Variants in GRIN2B observed in about 807,000 individuals in gnomAD.
The protein encoded by GRIN2B is glutamate ionotropic receptor NMDA type subunit 2B.
A neutral mutation model predicts 114.5 loss-of-function variants in GRIN2B; 5 were observed. The ratio of observed to expected loss-of-function variants is 0.04; its 90% CI spans 0.02 to 0.09. The LOEUF (loss-of-function observed/expected upper bound fraction) is 0.09. GRIN2B is among the 10% of genes least tolerant of loss of function. The pLI is 1.00. For synonymous variants in GRIN2B, 787 were observed against 745.1 expected (o/e 1.06, Z -0.92); for missense variants, 1,108 against 1,943.5 (o/e 0.57, Z 8.08).
At chr12:13,927,966 C>CAAAAAAAAAAAA (rs57736516) in intron 2 of GRIN2B, among the ~76,000 whole-genome samples, 37 of 37,594 alleles carry the variant, frequency 9.8e-4, no homozygotes, top group African/African-American at 3.0e-3. Context: ...GACCCTGTCT[C>CAAAAAAAAAAAA]AAAAAAAAAA....
At chr12:13,978,712 G>A (rs942405898) in intron 2 of GRIN2B, among the ~76,000 whole-genome samples, 2 of 152,244 alleles carry the variant, frequency 1.3e-5, no homozygotes, top group East Asian at 1.9e-4. Flanking sequence ...GCATTTAGAC[G>A]CCTTCAGAGT....
intron 4 of GRIN2B, among the ~76,000 whole-genome samples, chr12:13,741,690 G>A (rs934646517): frequency 1.3e-5 from 2 of 152,098 alleles, no homozygotes; most frequent in African/African-American, 4.8e-5. Context: ...AGGTTGCTGG[G>A]ACTACAGGTG....
chr12:13,683,065 C>T (rs1219335463), intron 4 of GRIN2B, among the ~76,000 whole-genome samples: 2 of 152,106 alleles, frequency 1.3e-5, no homozygotes, highest in Non-Finnish European at 2.9e-5. Context: ...ATCTATGCCA[C>T]CTTTCACCAA....
intron 4 of GRIN2B, among the ~76,000 whole-genome samples, chr12:13,691,351 A>T (rs577818189): frequency 2.7e-5 from 4 of 145,730 alleles, no homozygotes; most frequent in Middle Eastern, 3.4e-3. Context: ...TTGTTTGTAG[A>T]TAACACCAGG....
chr12:13,907,567 C>A (rs1359892302), intron 2 of GRIN2B, among the ~76,000 whole-genome samples: 1 of 150,886 alleles, frequency 6.6e-6, no homozygotes, highest in African/African-American at 2.4e-5. Flanking sequence ...CGTTCAAGAA[C>A]AGGCAAAATT....
intron 3 of GRIN2B, among the ~76,000 whole-genome samples, chr12:13,820,747 A>G (rs1346524959): frequency 6.6e-6 from 1 of 152,124 alleles, no homozygotes; most frequent in South Asian, 2.1e-4. Flanking sequence ...TCTTTTAACT[A>G]TCTGAAAGGA....
intron 3 of GRIN2B, among the ~76,000 whole-genome samples, chr12:13,834,626 C>G (rs1250792266): frequency 6.6e-6 from 1 of 152,172 alleles, no homozygotes; most frequent in Non-Finnish European, 1.5e-5. Flanking sequence ...TTGGTGCTCT[C>G]CCTTCGGCCC....
At chr12:13,573,747 G>A (rs1948737136) in intron 10 of GRIN2B, among the ~76,000 whole-genome samples, 1 of 152,090 alleles carries the variant, frequency 6.6e-6, no homozygotes, top group African/African-American at 2.4e-5. Flanking sequence ...GGATTGCCTG[G>A]GATTAGAAGT....
At chr12:13,823,974 C>T (rs1864984955) in intron 3 of GRIN2B, among the ~76,000 whole-genome samples, 1 of 152,128 alleles carries the variant, frequency 6.6e-6, no homozygotes, top group Non-Finnish European at 1.5e-5. Flanking sequence ...CACAGTGTTA[C>T]TGGGATAAAC....
chr12:13,909,274 C>T (rs1866593234), intron 2 of GRIN2B, among the ~76,000 whole-genome samples: 2 of 152,290 alleles, frequency 1.3e-5, no homozygotes, highest in South Asian at 4.1e-4. Context: ...GTGAGAATAA[C>T]CGCAGCAAAG....
chr12:13,628,177 C>A (rs190664999), intron 5 of GRIN2B, among the ~76,000 whole-genome samples: 1 of 152,258 alleles, frequency 6.6e-6, no homozygotes, highest in East Asian at 1.9e-4. Flanking sequence ...GTCCTATTCT[C>A]CTTGGCAGTT....
intron 3 of GRIN2B, among the ~76,000 whole-genome samples, chr12:13,806,912 T>G (rs966499091): frequency 6.6e-6 from 1 of 151,998 alleles, no homozygotes; most frequent in African/African-American, 2.4e-5. Context: ...AGATAAGGGT[T>G]AAAAAATCCA....
intron 5 of GRIN2B, among the ~76,000 whole-genome samples, chr12:13,666,045 G>A (rs943356720): frequency 4.6e-5 from 7 of 152,126 alleles, no homozygotes; most frequent in East Asian, 3.9e-4. Flanking sequence ...GACAGCAAAC[G>A]CTTGAGCTAG....
At chr12:13,809,455 G>A (rs1363667927) in intron 3 of GRIN2B, among the ~76,000 whole-genome samples, 2 of 152,112 alleles carry the variant, frequency 1.3e-5, no homozygotes, top group Non-Finnish European at 2.9e-5. Flanking sequence ...CTTTTAAGAG[G>A]ATTAAAAGAG....
rs145416930 is a variant in GRIN2B, at chr12:13,963,919, G to A, written c.-19+16009C>T. Among the ~76,000 whole-genome samples, 55 of 152,306 alleles carry A rather than the reference G, an allele frequency of 3.6e-4. No individual in the cohort carries two copies. The East Asian group carries it at 0.01, about 29-fold the overall frequency. On this transcript the variant is annotated intron_variant, in intron 2 of 13. Coordinates refer to ENST00000609686, the MANE Select transcript of GRIN2B (RefSeq NM_000834.5). ...AATAGAGACAAATCTCCCATGGTGG[G>A]AAAGGTAAAGAGAGAATCCACTGAA...
intron 3 of GRIN2B, among the ~76,000 whole-genome samples, chr12:13,802,890 A>G (rs928698203): frequency 3.3e-5 from 5 of 152,084 alleles, no homozygotes; most frequent in African/African-American, 4.8e-5. Flanking sequence ...TTAAAGTGAT[A>G]CAGTTAACTC....
intron 2 of GRIN2B, among the ~76,000 whole-genome samples, chr12:13,962,089 T>TACATACACACACACACACACAC (rs375862677): frequency 1.4e-5 from 2 of 145,238 alleles, no homozygotes; most frequent in Non-Finnish European, 3.0e-5. Context: ...CTCTCATACA[T>TACATACACACACACACACACAC]ACACACACAC....
chr12:13,904,191 T>A (rs1426981223), intron 2 of GRIN2B, among the ~76,000 whole-genome samples: 1 of 147,246 alleles, frequency 6.8e-6, no homozygotes, highest in African/African-American at 2.4e-5. Flanking sequence ...TTCTATTTGT[T>A]CCACACCTCC....
chr12:13,763,212 G>C (rs1863714407), intron 3 of GRIN2B, among the ~76,000 whole-genome samples: 1 of 151,996 alleles, frequency 6.6e-6, no homozygotes, highest in Non-Finnish European at 1.5e-5. Flanking sequence ...ACCAAGTACT[G>C]CCTTCTGATC....
Sources: allele counts gnomAD v4.1 joint callset (sites outside exome capture counted in the v4.1 genomes callset), GRCh38; gene constraint gnomAD v4.1.1; transcripts MANE v1.5; gene names NCBI Gene and HGNC (gene_info 2026-07-23, HGNC 2026-07-21).